The following RIMBP2 variants were observed in gnomAD, a reference collection of about 807,000 sequenced individuals.
RIMBP2 encodes RIMS binding protein 2, also known as RIMS-binding protein 2.
RIMBP2 carries 48 observed loss-of-function variants against 118.6 expected under a neutral mutation model. That is an observed-to-expected ratio of 0.40 (90% CI 0.32 to 0.51). RIMBP2 has a LOEUF of 0.51. Among genes scored for constraint, RIMBP2 ranks in the 20% least tolerant of loss-of-function variants. RIMBP2 has a pLI of 0.41. For synonymous variants in RIMBP2, 762 were observed against 742.9 expected (o/e 1.03, Z -0.42); for missense variants, 1,551 against 1,768.3 (o/e 0.88, Z 2.20).
At chr12:130,608,528 G>A (rs181579534) in intron 2 of RIMBP2, among the ~76,000 whole-genome samples, 310 of 152,318 alleles carry the variant, frequency 2.0e-3, no homozygotes, top group African/African-American at 7.0e-3. Flanking sequence ...GCTCCCCAGA[G>A]ATGAAGAGGC....
At chr12:130,528,064 A>G (rs912208882) in intron 2 of RIMBP2, among the ~76,000 whole-genome samples, 1 of 152,216 alleles carries the variant, frequency 6.6e-6, no homozygotes, top group Non-Finnish European at 1.5e-5. Flanking sequence ...AGAACCAGAA[A>G]TATCATTTGA....
intron 19 of RIMBP2, among the ~76,000 whole-genome samples, chr12:130,409,595 G>A (rs552247656): frequency 4.8e-4 from 73 of 151,996 alleles, no homozygotes; most frequent in African/African-American, 1.6e-3. Context: ...CGCCCACCTC[G>A]GCCTCCCAAA....
intron 2 of RIMBP2, among the ~76,000 whole-genome samples, chr12:130,559,539 C>A (rs567220257): frequency 6.6e-6 from 1 of 152,272 alleles, no homozygotes; most frequent in East Asian, 1.9e-4. Flanking sequence ...GTATATACAC[C>A]ACATTTCTTT....
chr12:130,505,697 C>T (rs1330790172), intron 4 of RIMBP2, among the ~76,000 whole-genome samples: 7 of 49,380 alleles, frequency 1.4e-4, no homozygotes, highest in African/African-American at 6.4e-4. Context: ...GGTCACTCCT[C>T]GCCCCCATCC....
Position 130,428,342 on chromosome 12 carries a change from G to T in RIMBP2, c.2254-5C>A, listed in dbSNP as rs376843379. On this transcript the variant is annotated splice_region_variant and splice_polypyrimidine_tract_variant and intron_variant, in intron 14 of 22. Coordinates refer to ENST00000690449, the MANE Select transcript of RIMBP2 (RefSeq NM_001393629.1). ...GTCTCCATGGCAACAGTGCGGCTGGGGGCCAAGAAAAGGGGCTACTGAGCG... is the reference window on the plus strand; with the variant it reads ...GTCTCCATGGCAACAGTGCGGCTGGTGGCCAAGAAAAGGGGCTACTGAGCG... 1.9e-6 allele frequency: 3 copies of T among 1,601,306 alleles called. No homozygotes were observed. Among genetic ancestry groups the T allele is most frequent in the Non-Finnish European group, 2.6e-6 (3 of 1,173,524 alleles).
At chr12:130,529,101 G>T (rs1347281435) in intron 2 of RIMBP2, among the ~76,000 whole-genome samples, 1 of 152,140 alleles carries the variant, frequency 6.6e-6, no homozygotes, top group Non-Finnish European at 1.5e-5. Flanking sequence ...CCATAAAGTG[G>T]AAGATTCTTC....
intron 1 of RIMBP2, among the ~76,000 whole-genome samples, chr12:130,692,779 T>G: frequency 7.1e-6 from 1 of 141,800 alleles, no homozygotes; most frequent in African/African-American, 2.7e-5. Context: ...ATGGAATGGG[T>G]GGAATGGAAT....
intron 1 of RIMBP2, among the ~76,000 whole-genome samples, chr12:130,693,166 T>A (rs1211829219): frequency 6.6e-6 from 1 of 152,116 alleles, no homozygotes; most frequent in African/African-American, 2.4e-5. Flanking sequence ...AACACTCGTC[T>A]GTCTCCCCAC....
chr12:130,648,957 C>G (rs929570808), intron 1 of RIMBP2, among the ~76,000 whole-genome samples: 1 of 145,786 alleles, frequency 6.9e-6, no homozygotes, highest in Non-Finnish European at 1.6e-5. Context: ...AGAAACGGAT[C>G]GCACATGGTA....
At chr12:130,635,321 C>A (rs926761229) in intron 1 of RIMBP2, among the ~76,000 whole-genome samples, 13 of 152,310 alleles carry the variant, frequency 8.5e-5, no homozygotes, top group Admixed American at 7.2e-4. Flanking sequence ...ATTCTAAGCA[C>A]CCAGGAGAGC....
rs1412647139 is a variant in RIMBP2, at chr12:130,576,076, A to G, written c.-217+52246T>C. ...GGAGACATCACAGTGGGAACTGTGT[A>G]CTCTGCAGGGAGGCTGGTGCGGGGG... On this transcript the variant is annotated intron_variant, in intron 2 of 22. Coordinates refer to ENST00000690449, the MANE Select transcript of RIMBP2 (RefSeq NM_001393629.1). The surrounding 1 kb of genome is among the most constrained non-coding windows in gnomAD (Gnocchi z 4.2). 6.6e-6 allele frequency among the ~76,000 whole-genome samples: 1 copy of G among 151,026 alleles called. No individual in the cohort carries two copies. Among genetic ancestry groups the G allele is most frequent in the Admixed American group, 6.6e-5 (1 of 15,154 alleles).
chr12:130,439,376 GGTGTGT>G, intron 11 of RIMBP2, among the ~76,000 whole-genome samples: 1 of 150,426 alleles, frequency 6.6e-6, no homozygotes, highest in East Asian at 2.0e-4. Flanking sequence ...TGTGTATGTG[GGTGTGT>G]GTATGTGGAT....
intron 2 of RIMBP2, among the ~76,000 whole-genome samples, chr12:130,603,654 C>T (rs1315428190): frequency 2.6e-5 from 4 of 152,198 alleles, no homozygotes; most frequent in African/African-American, 7.2e-5. Context: ...GGGACACATA[C>T]TTGCCATGGT....
chr12:130,408,269 G>A (rs114879430), intron 19 of RIMBP2, among the ~76,000 whole-genome samples: 1,746 of 152,294 alleles, frequency 0.011, 33 homozygotes, highest in African/African-American at 0.041. Flanking sequence ...CTATGGTGGC[G>A]CTACAAAATC....
chr12:130,698,727 A>G (rs1365104779), intron 1 of RIMBP2, among the ~76,000 whole-genome samples: 1 of 151,304 alleles, frequency 6.6e-6, no homozygotes, highest in African/African-American at 2.4e-5. Context: ...AAAATTGACA[A>G]ATGGGATCTA....
At chr12:130,640,619 CT>C (rs2062573448) in intron 1 of RIMBP2, among the ~76,000 whole-genome samples, 1 of 152,240 alleles carries the variant, frequency 6.6e-6, no homozygotes, top group African/African-American at 2.4e-5. Flanking sequence ...GAGGTAGGCA[CT>C]GTGATGACCT....
At chr12:130,427,287 C>G (rs980780297) in intron 15 of RIMBP2, 1 of 152,224 alleles carries the variant, frequency 6.6e-6, no homozygotes, top group Non-Finnish European at 1.5e-5. Flanking sequence ...TTTGGAAAAC[C>G]CACAAAGCTC....
intron 1 of RIMBP2, among the ~76,000 whole-genome samples, chr12:130,672,021 G>T (rs1336606999): frequency 6.6e-6 from 1 of 152,176 alleles, no homozygotes; most frequent in African/African-American, 2.4e-5. Context: ...AATTTGAGAT[G>T]ATATGATATG....
rs2061303545 is a variant in RIMBP2 at position 130,621,384 on chromosome 12, TA to T, written c.-217+6937del. Reference sequence around the variant, plus strand: ...AAGTGCACCATTAAGGGACTCTGATTAAAGACTGACGCCAACACAGAGGAAA... The same window carrying T: ...AAGTGCACCATTAAGGGACTCTGATTAAGACTGACGCCAACACAGAGGAAA... On this transcript the variant is annotated intron_variant, in intron 2 of 22. Transcript: ENST00000690449. This position sits in a 1 kb window ranked among gnomAD's most constrained non-coding sequence, Gnocchi z 6.6. Among the ~76,000 whole-genome samples the T allele has an allele frequency of 6.6e-6, 1 of 152,182 alleles. No homozygotes were observed. The highest frequency in any genetic ancestry group is 1.5e-5 in the Non-Finnish European group (1 of 68,036).
Sources: gnomAD v4.1 joint callset for allele counts (sites outside exome capture counted in the v4.1 genomes callset) on GRCh38, gnomAD v4.1.1 for gene constraint, Gnocchi (gnomAD v3.1) non-coding constraint, MANE v1.5 for transcripts, NCBI Gene and HGNC (gene_info 2026-07-23, HGNC 2026-07-21) for gene names.